The following SLC25A21 variants were observed in gnomAD, a reference collection of about 807,000 sequenced individuals.
SLC25A21 encodes mitochondrial 2-oxodicarboxylate carrier.
SLC25A21 carries 47 observed loss-of-function variants against 43.8 expected under a neutral mutation model. The ratio of observed to expected loss-of-function variants is 1.07; its 90% CI spans 0.85 to 1.37. The LOEUF is 1.37. SLC25A21 is among the 40% of genes most tolerant of loss of function. The pLI, the probability that SLC25A21 is intolerant of heterozygous loss-of-function variation, is 0.00. For synonymous variants in SLC25A21, 131 were observed against 121.3 expected (o/e 1.08, Z -0.52); for missense variants, 352 against 350.2 (o/e 1.00, Z -0.04).
intron 1 of SLC25A21, among the ~76,000 whole-genome samples, chr14:37,040,840 T>A (rs1594765525): frequency 6.6e-6 from 1 of 151,756 alleles, no homozygotes; most frequent in East Asian, 1.9e-4. Flanking sequence ...CAGGAAAAAG[T>A]TGCAAAGATT....
chr14:36,712,735 A>G (rs1439879325), intron 6 of SLC25A21, among the ~76,000 whole-genome samples: 1 of 151,698 alleles, frequency 6.6e-6, no homozygotes, highest in African/African-American at 2.4e-5. Context: ...TTGTAATATG[A>G]AAAAACCATG....
At position 37,035,628 on chromosome 14, in the gene SLC25A21, T is replaced by G. The variant is rs374224945; in HGVS notation, c.70+136653A>C. ...GGGCCCAAGACAATAGTGTGCTTTATAGCCCAGAGCCCGATCACTGTGTTT... is the reference window on the plus strand; with the variant it reads ...GGGCCCAAGACAATAGTGTGCTTTAGAGCCCAGAGCCCGATCACTGTGTTT... On this transcript the variant is annotated intron_variant, in intron 1 of 9. Coordinates refer to ENST00000331299, the MANE Select transcript of SLC25A21 (RefSeq NM_030631.4). Among the ~76,000 whole-genome samples the G allele has an allele frequency of 4.6e-5, 7 of 152,204 alleles. No homozygotes were observed. The South Asian group carries it at 8.3e-4, about 18-fold the overall frequency.
At chr14:36,766,885 T>C (rs1886436136) in intron 3 of SLC25A21, among the ~76,000 whole-genome samples, 1 of 152,198 alleles carries the variant, frequency 6.6e-6, no homozygotes, top group South Asian at 2.1e-4. Context: ...ATAATGCGCA[T>C]AATGCATTCA....
At chr14:36,871,978 G>T (rs1890386510) in intron 2 of SLC25A21, among the ~76,000 whole-genome samples, 7 of 152,134 alleles carry the variant, frequency 4.6e-5, no homozygotes, top group Admixed American at 4.6e-4. Flanking sequence ...AATCAGCAGG[G>T]ATGAGAGTGC....
chr14:36,838,355 A>G (rs1241484239), intron 2 of SLC25A21, among the ~76,000 whole-genome samples: 1 of 152,242 alleles, frequency 6.6e-6, no homozygotes. Context: ...CTCAAACACC[A>G]GTGCTGGCAG....
intron 1 of SLC25A21, among the ~76,000 whole-genome samples, chr14:36,932,414 G>A (rs556123099): frequency 2.2e-4 from 34 of 152,190 alleles, no homozygotes; most frequent in Admixed American, 5.2e-4. Flanking sequence ...TTCCTGCTGA[G>A]TGAAGTAGTA....
intron 2 of SLC25A21, among the ~76,000 whole-genome samples, chr14:36,874,669 C>T (rs1217509946): frequency 1.3e-5 from 2 of 152,292 alleles, no homozygotes; most frequent in East Asian, 3.9e-4. Context: ...TTAGTTTTTA[C>T]ATCATTTTGA....
chr14:37,056,488 C>CAA (rs1219601593), intron 1 of SLC25A21, among the ~76,000 whole-genome samples: 49 of 84,018 alleles, frequency 5.8e-4, no homozygotes, highest in African/African-American at 1.9e-3. Context: ...GACTCCATCT[C>CAA]AAAAAAAAAA....
At chr14:36,804,004 G>A (rs553007599) in intron 3 of SLC25A21, among the ~76,000 whole-genome samples, 2 of 152,174 alleles carry the variant, frequency 1.3e-5, no homozygotes, top group Admixed American at 1.3e-4. Context: ...TCCAAACCTT[G>A]GTCTCATAGA....
At chr14:36,896,971 AT>A (rs1476280530) in intron 1 of SLC25A21, among the ~76,000 whole-genome samples, 5 of 151,884 alleles carry the variant, frequency 3.3e-5, no homozygotes, top group African/African-American at 1.2e-4. Flanking sequence ...TGCCCTTAAC[AT>A]TTTTTACTTC....
intron 1 of SLC25A21, among the ~76,000 whole-genome samples, chr14:36,970,695 G>A (rs1348533856): frequency 6.6e-6 from 1 of 152,114 alleles, no homozygotes; most frequent in Non-Finnish European, 1.5e-5. Context: ...TAAGATTCAA[G>A]ACTGTTCCCA....
At chr14:36,908,498 A>G (rs1315071422) in intron 1 of SLC25A21, among the ~76,000 whole-genome samples, 1 of 152,200 alleles carries the variant, frequency 6.6e-6, no homozygotes, top group Non-Finnish European at 1.5e-5. Flanking sequence ...AAATGAGAGT[A>G]TTTTATTATG....
At chr14:37,029,577 G>A (rs1961164257) in intron 1 of SLC25A21, among the ~76,000 whole-genome samples, 1 of 152,062 alleles carries the variant, frequency 6.6e-6, no homozygotes, top group Non-Finnish European at 1.5e-5. Context: ...TGTTAGCACA[G>A]TACTTACAGA....
intron 1 of SLC25A21, among the ~76,000 whole-genome samples, chr14:37,036,813 C>G (rs188572657): frequency 2.2e-4 from 33 of 152,222 alleles, no homozygotes; most frequent in Non-Finnish European, 3.7e-4. Context: ...AGACTACATA[C>G]ATCAGGGGAG....
chr14:37,071,046 G>T (rs538650007), intron 1 of SLC25A21, among the ~76,000 whole-genome samples: 2 of 109,948 alleles, frequency 1.8e-5, no homozygotes, highest in African/African-American at 1.3e-4. Flanking sequence ...AGCAGCAAAA[G>T]GGAAAGGAGA....
intron 1 of SLC25A21, among the ~76,000 whole-genome samples, chr14:37,006,443 G>A (rs1008968589): frequency 6.6e-6 from 1 of 151,850 alleles, no homozygotes. Context: ...ACATGTTGAC[G>A]TATTTATCAA....
intron 1 of SLC25A21, among the ~76,000 whole-genome samples, chr14:37,130,907 G>A (rs576448583): frequency 1.3e-5 from 2 of 152,318 alleles, no homozygotes; most frequent in Admixed American, 6.5e-5. Context: ...TCTCCTAATG[G>A]GCTAGCAGAA....
At chr14:36,984,467 G>C (rs919995533) in intron 1 of SLC25A21, among the ~76,000 whole-genome samples, 4 of 152,016 alleles carry the variant, frequency 2.6e-5, no homozygotes, top group Non-Finnish European at 5.9e-5. Context: ...ATTTTTACAA[G>C]ATAAACTTAT....
At chr14:36,920,497 T>C (rs712400) in intron 1 of SLC25A21, among the ~76,000 whole-genome samples, 95,363 of 151,764 alleles carry the variant, frequency 0.63, 30,662 homozygotes, top group Non-Finnish European at 0.65. Context: ...ATTCCACATA[T>C]TGAGAAGGTG....
Sources: allele counts gnomAD v4.1 joint callset (sites outside exome capture counted in the v4.1 genomes callset), GRCh38; gene constraint gnomAD v4.1.1; transcripts MANE v1.5; gene names NCBI Gene and HGNC (gene_info 2026-07-23, HGNC 2026-07-21).